Variants in ITFG1 observed in about 807,000 individuals in gnomAD.
The protein encoded by ITFG1 is integrin alpha FG-GAP repeat containing 1.
ITFG1 carries 34 observed loss-of-function variants against 81.8 expected under a neutral mutation model. The observed-to-expected ratio is 0.42, with a 90% CI of 0.32 to 0.55. ITFG1 has a LOEUF of 0.55. ITFG1 is among the 20% of genes least tolerant of loss of function. ITFG1 has a pLI of 0.17. For synonymous variants in ITFG1, 285 were observed against 270.6 expected (o/e 1.05, Z -0.52); for missense variants, 672 against 755.4 (o/e 0.89, Z 1.29).
At chr16:47,276,277 A>G (rs1177312261) in intron 10 of ITFG1, among the ~76,000 whole-genome samples, 3 of 152,164 alleles carry the variant, frequency 2.0e-5, no homozygotes, top group African/African-American at 7.2e-5. Flanking sequence ...AATAGGAAAA[A>G]AAAATCTCAT....
At chr16:47,181,376 C>T (rs1340059114) in intron 14 of ITFG1, among the ~76,000 whole-genome samples, 1 of 148,828 alleles carries the variant, frequency 6.7e-6, no homozygotes, top group Non-Finnish European at 1.5e-5. Context: ...CCCGCCCGGC[C>T]AGCCACCCCG....
intron 10 of ITFG1, 60 bp downstream of exon 10, chr16:47,311,179 TG>T: frequency 8.0e-7 from 1 of 1,256,810 alleles, no homozygotes; most frequent in South Asian, 1.4e-5. Context: ...CAAAGTACCA[TG>T]GTTTGCAAAT....
intron 6 of ITFG1, among the ~76,000 whole-genome samples, chr16:47,396,524 T>TGTGTGTG (rs1555514103): frequency 1.1e-4 from 16 of 149,204 alleles, no homozygotes; most frequent in African/African-American, 3.5e-4. Flanking sequence ...AATAATTATT[T>TGTGTGTG]TGTGTGTGTG....
intron 6 of ITFG1, among the ~76,000 whole-genome samples, chr16:47,426,947 A>G (rs963292979): frequency 4.6e-5 from 7 of 152,200 alleles, no homozygotes; most frequent in African/African-American, 1.7e-4. Flanking sequence ...CTGTAAAATC[A>G]GACTGTTAAG....
chr16:47,197,086 C>G (rs926922812), intron 14 of ITFG1, among the ~76,000 whole-genome samples: 3 of 152,160 alleles, frequency 2.0e-5, no homozygotes, highest in Non-Finnish European at 4.4e-5. Flanking sequence ...GTACTTAACT[C>G]CAAAATATTG....
chr16:47,354,496 G>A (rs1186381876), intron 8 of ITFG1, among the ~76,000 whole-genome samples: 1 of 151,962 alleles, frequency 6.6e-6, no homozygotes, highest in Admixed American at 6.6e-5. Flanking sequence ...GTCTTGTCAA[G>A]GATTTTTTTA....
At position 47,395,649 on chromosome 16, in the gene ITFG1, A is replaced by G. The variant is rs1968584041; in HGVS notation, c.656-19709T>C. Among the ~76,000 whole-genome samples the G allele has an allele frequency of 2.0e-5, 3 of 152,250 alleles. No homozygotes were observed. The South Asian group carries it at 6.2e-4, about 31-fold the overall frequency. On this transcript the variant is annotated intron_variant, in intron 6 of 17. Transcript: ENST00000320640. ...TAATAGATGGGAAACACTGTATAAT[A>G]AAAGCAAAACAGTAATTCTACTTTG...
intron 5 of ITFG1, among the ~76,000 whole-genome samples, 164 bp from the exon 6 acceptor site, chr16:47,429,062 TCA>T (rs1291548324): frequency 3.9e-5 from 6 of 152,240 alleles, no homozygotes; most frequent in Non-Finnish European, 7.3e-5. Context: ...TTTAGTATGT[TCA>T]CAGTGTACAA....
At chr16:47,389,642 A>G (rs534523542) in intron 6 of ITFG1, among the ~76,000 whole-genome samples, 2 of 152,360 alleles carry the variant, frequency 1.3e-5, no homozygotes, top group African/African-American at 4.8e-5. Context: ...TATAGATGTA[A>G]TATGTATTAC....
intron 6 of ITFG1, among the ~76,000 whole-genome samples, chr16:47,415,469 T>C (rs1189262093): frequency 2.0e-5 from 3 of 152,210 alleles, no homozygotes; most frequent in African/African-American, 7.2e-5. Context: ...TTTGGAAAAC[T>C]GTAGCAGAGA....
At chr16:47,422,132 T>C (rs962379820) in intron 6 of ITFG1, among the ~76,000 whole-genome samples, 7 of 152,352 alleles carry the variant, frequency 4.6e-5, no homozygotes, top group South Asian at 2.1e-4. Flanking sequence ...AGTGCCACAA[T>C]AAACATACGT....
chr16:47,424,477 G>A (rs1016633120), intron 6 of ITFG1, among the ~76,000 whole-genome samples: 6 of 152,146 alleles, frequency 3.9e-5, no homozygotes, highest in African/African-American at 1.2e-4. Context: ...TCTCTTGCTG[G>A]TGAGGAGCTG....
At chr16:47,280,686 A>G (rs1028633602) in intron 10 of ITFG1, among the ~76,000 whole-genome samples, 1 of 152,164 alleles carries the variant, frequency 6.6e-6, no homozygotes, top group Non-Finnish European at 1.5e-5. Context: ...AGATAGCTTC[A>G]GGATGAGGCC....
At chr16:47,459,525 AAT>A (rs1969496199) in intron 1 of ITFG1, among the ~76,000 whole-genome samples, 1 of 152,312 alleles carries the variant, frequency 6.6e-6, no homozygotes, top group African/African-American at 2.4e-5. Flanking sequence ...GTCTTCCCCG[AAT>A]CTAGCAATGC....
At chr16:47,187,509 G>A (rs1365224583) in intron 14 of ITFG1, among the ~76,000 whole-genome samples, 5 of 152,072 alleles carry the variant, frequency 3.3e-5, no homozygotes, top group African/African-American at 9.7e-5. Flanking sequence ...CAAGCAATGG[G>A]GAAAGGATTC....
intron 14 of ITFG1, among the ~76,000 whole-genome samples, chr16:47,174,615 C>A (rs530101455): frequency 6.6e-6 from 1 of 152,068 alleles, no homozygotes; most frequent in African/African-American, 2.4e-5. Context: ...CCGCCTCCCA[C>A]GTTCAAGCAA....
chr16:47,176,078 A>G (rs947229412), intron 14 of ITFG1, among the ~76,000 whole-genome samples: 1 of 152,160 alleles, frequency 6.6e-6, no homozygotes, highest in African/African-American at 2.4e-5. Flanking sequence ...AGGGACGCCA[A>G]TTTGCTCAGG....
intron 6 of ITFG1, among the ~76,000 whole-genome samples, chr16:47,409,404 A>ACAT (rs1968778033): frequency 1.6e-4 from 1 of 6,102 alleles, no homozygotes; most frequent in African/African-American, 5.4e-4. Context: ...ATATATATAT[A>ACAT]TTTTTTTTTT....
At chr16:47,337,277 AAAAAAG>A (rs1967718907) in intron 8 of ITFG1, among the ~76,000 whole-genome samples, 1 of 152,080 alleles carries the variant, frequency 6.6e-6, no homozygotes, top group East Asian at 1.9e-4. Flanking sequence ...GAATAACTTT[AAAAAAG>A]AATCACAGCC....
Sources: gnomAD v4.1 joint callset for allele counts (sites outside exome capture counted in the v4.1 genomes callset) on GRCh38, gnomAD v4.1.1 for gene constraint, MANE v1.5 for transcripts, NCBI Gene and HGNC (gene_info 2026-07-23, HGNC 2026-07-21) for gene names.